The following GFRAL variants were observed in gnomAD, a reference collection of about 807,000 sequenced individuals.
GFRAL encodes the protein GDNF family receptor alpha like.
In GFRAL, 36 loss-of-function variants were observed where a neutral mutation model predicts 45.4. That is an observed-to-expected ratio of 0.79 (90% CI 0.61 to 1.05). The LOEUF (loss-of-function observed/expected upper bound fraction) is 1.05, where lower values mean the gene tolerates loss of function less well. GFRAL is among the 50% of genes least tolerant of loss of function. The probability of loss-of-function intolerance (pLI) is 0.00; values close to 1 mark genes in which losing one functional copy is unlikely to be tolerated. For synonymous variants in GFRAL, 166 were observed against 154.1 expected (o/e 1.08, Z -0.57); for missense variants, 507 against 467.5 (o/e 1.08, Z -0.78).
chr6:55,391,394 T>A (rs1768752182), intron 6 of GFRAL, among the ~76,000 whole-genome samples: 1 of 152,184 alleles, frequency 6.6e-6, no homozygotes, highest in Admixed American at 6.5e-5. Flanking sequence ...TATTTCAAAC[T>A]CTCTTCACAT....
Position 55,401,840 on chromosome 6 carries a change from C to A in GFRAL, c.1172C>A (p.Pro391His). ...AGAGATCCTTCATCGATCCAAATAC[C>A]TGGAGAACTCTGATTCATTAGGAGT... ...KARDPSSIQI[P>H]GEL is the part of the protein sequence containing the mutation. The change falls in exon 9 of 9, where the codon CCT (proline) becomes CAT (histidine). Residue 391 changes from proline (P) to histidine (H), a missense_variant. By Grantham distance (77) the Pro-to-His change is moderately conservative. Transcript: ENST00000340465. 1 of 1,512,096 alleles carries A rather than the reference C, an allele frequency of 6.6e-7. No individual in the cohort carries two copies. The highest frequency in any genetic ancestry group is 9.2e-7 in the Non-Finnish European group (1 of 1,086,604). The allele number at this position is 1,512,096 out of a possible 1,614,324, so 93.7% of individuals were successfully genotyped here.
intron 6 of GFRAL, among the ~76,000 whole-genome samples, chr6:55,367,898 G>A (rs1181709903): frequency 6.0e-5 from 9 of 150,032 alleles, no homozygotes; most frequent in Non-Finnish European, 7.4e-5. Context: ...TTCAACTTTG[G>A]TGAATCTGAC....
intron 3 of GFRAL, among the ~76,000 whole-genome samples, chr6:55,343,330 T>C (rs1767995682): frequency 6.6e-6 from 1 of 152,190 alleles, no homozygotes; most frequent in Non-Finnish European, 1.5e-5. Flanking sequence ...AAACTGTCTC[T>C]CAGACCACGG....
intron 6 of GFRAL, among the ~76,000 whole-genome samples, chr6:55,359,705 A>G (rs1768248010): frequency 6.6e-6 from 1 of 151,982 alleles, no homozygotes; most frequent in East Asian, 1.9e-4. Flanking sequence ...ATCTTCAGCA[A>G]TATAGCCAAA....
chr6:55,353,010 A>T (rs1768139733), intron 5 of GFRAL, among the ~76,000 whole-genome samples: 1 of 152,054 alleles, frequency 6.6e-6, no homozygotes, highest in Non-Finnish European at 1.5e-5. Context: ...CTGAGAGAGG[A>T]GATATTAAGC....
intron 3 of GFRAL, among the ~76,000 whole-genome samples, chr6:55,338,258 T>A (rs1767916817): frequency 6.6e-6 from 1 of 151,920 alleles, no homozygotes; most frequent in African/African-American, 2.4e-5. Context: ...CCTGGCTGAT[T>A]TTTGTATTTT....
chr6:55,356,490 T>G (rs1311631769), intron 5 of GFRAL, among the ~76,000 whole-genome samples: 1 of 151,984 alleles, frequency 6.6e-6, no homozygotes, highest in Admixed American at 6.6e-5. Context: ...TCTGATGTAT[T>G]GGCATATATT....
At chr6:55,385,981 G>A (rs1768677282) in intron 6 of GFRAL, among the ~76,000 whole-genome samples, 1 of 152,060 alleles carries the variant, frequency 6.6e-6, no homozygotes. Flanking sequence ...GCAAACTCCA[G>A]ACTGTGTATG....
intron 2 of GFRAL, among the ~76,000 whole-genome samples, chr6:55,332,704 G>A (rs115765196): frequency 0.013 from 1,988 of 152,174 alleles, 23 homozygotes; most frequent in Non-Finnish European, 0.022. Context: ...TTGCAGGCGT[G>A]CACCACCGTG....
At chr6:55,368,310 T>A (rs542768597) in intron 6 of GFRAL, among the ~76,000 whole-genome samples, 6,869 of 148,400 alleles carry the variant, frequency 0.046, 223 homozygotes, top group African/African-American at 0.085. Context: ...TTTAAGCACT[T>A]CTCTGTATTG....
chr6:55,356,366 A>G (rs985550536), intron 5 of GFRAL, among the ~76,000 whole-genome samples: 1 of 151,888 alleles, frequency 6.6e-6, no homozygotes, highest in Non-Finnish European at 1.5e-5. Flanking sequence ...GAGACTTTCT[A>G]TTATAGCTTC....
At chr6:55,342,070 G>C (rs1202301250) in intron 3 of GFRAL, among the ~76,000 whole-genome samples, 1 of 152,150 alleles carries the variant, frequency 6.6e-6, no homozygotes, top group African/African-American at 2.4e-5. Flanking sequence ...AAAGTGATGG[G>C]GAAAATGGAA....
At chr6:55,355,445 A>G (rs1260286100) in intron 5 of GFRAL, among the ~76,000 whole-genome samples, 1 of 151,992 alleles carries the variant, frequency 6.6e-6, no homozygotes, top group Non-Finnish European at 1.5e-5. Context: ...TCTTTTTTGG[A>G]CATTTAGACA....
intron 4 of GFRAL, among the ~76,000 whole-genome samples, chr6:55,350,542 A>T (rs1768102432): frequency 6.6e-6 from 1 of 151,810 alleles, no homozygotes; most frequent in Non-Finnish European, 1.5e-5. Context: ...ACAAAAACAA[A>T]AGTCAAAACT....
At chr6:55,398,661 G>A (rs1313983292) in intron 6 of GFRAL, among the ~76,000 whole-genome samples, 1 of 152,118 alleles carries the variant, frequency 6.6e-6, no homozygotes. Context: ...CAGAAACATG[G>A]CCAAGAAGAC....
At chr6:55,375,044 A>T (rs1487018629) in intron 6 of GFRAL, among the ~76,000 whole-genome samples, 2 of 152,096 alleles carry the variant, frequency 1.3e-5, no homozygotes, top group Admixed American at 6.5e-5. Flanking sequence ...TATAGTTTGA[A>T]GTTGGGTAGC....
At chr6:55,331,512 G>A (rs1767829184) in intron 1 of GFRAL, among the ~76,000 whole-genome samples, 1 of 152,004 alleles carries the variant, frequency 6.6e-6, no homozygotes, top group Non-Finnish European at 1.5e-5. Flanking sequence ...GTCAAAATGA[G>A]CAAATTTAAA....
chr6:55,355,869 A>G (rs1207757297), intron 5 of GFRAL, among the ~76,000 whole-genome samples: 4 of 151,984 alleles, frequency 2.6e-5, no homozygotes, highest in African/African-American at 7.2e-5. Flanking sequence ...GCTCTGTCAT[A>G]TATGGCATTT....
intron 6 of GFRAL, among the ~76,000 whole-genome samples, chr6:55,372,679 G>A (rs570119230): frequency 6.6e-6 from 1 of 152,200 alleles, no homozygotes; most frequent in East Asian, 1.9e-4. Flanking sequence ...ACACACTCAT[G>A]GTCCACTGGC....
Sources: allele counts gnomAD v4.1 joint callset (sites outside exome capture counted in the v4.1 genomes callset), GRCh38; gene constraint gnomAD v4.1.1; transcripts MANE v1.5; gene names NCBI Gene and HGNC (gene_info 2026-07-23, HGNC 2026-07-21).